Variants in TAF1A observed in about 807,000 individuals in gnomAD.
TAF1A encodes TATA-box binding protein associated factor, RNA polymerase I subunit A.
Under a neutral mutation model 61.6 loss-of-function variants are expected in TAF1A, and 42 were observed. That is an observed-to-expected ratio of 0.68 (90% CI 0.53 to 0.88). The LOEUF is 0.88. Among genes scored for constraint, TAF1A ranks in the 40% least tolerant of loss-of-function variants. TAF1A has a pLI of 0.00. For missense variants in TAF1A, 424 were observed against 518.7 expected (o/e 0.82, Z 1.77); for synonymous variants, 179 against 177.7 (o/e 1.01, Z -0.06).
chr1:222,557,728 G>A (rs1394598516), downstream of TAF1A, among the ~76,000 whole-genome samples: 7 of 151,762 alleles, frequency 4.6e-5, no homozygotes, highest in Middle Eastern at 3.2e-3. Context: ...CAAAAAAGCC[G>A]AGCCCTTTAA....
At chr1:222,585,677 A>G (rs1660984530) in intron 2 of TAF1A, among the ~76,000 whole-genome samples, 1 of 149,576 alleles carries the variant, frequency 6.7e-6, no homozygotes, top group South Asian at 2.2e-4. Context: ...GCAATGTCTC[A>G]ACCTAGAAAA....
chr1:222,577,422 A>G (rs1660614355), intron 5 of TAF1A, 23 bp downstream of exon 5: 1 of 1,605,788 alleles, frequency 6.2e-7, no homozygotes. Flanking sequence ...ATCATAAGAA[A>G]AAGTTTACCT....
downstream of TAF1A, among the ~76,000 whole-genome samples, chr1:222,555,125 CAA>C (rs1211855572): frequency 6.6e-6 from 1 of 152,078 alleles, no homozygotes; most frequent in Non-Finnish European, 1.5e-5. Flanking sequence ...TGAATCGTAT[CAA>C]AGGTCAAAGA....
chr1:222,581,220 A>G (rs1660777519), intron 3 of TAF1A, among the ~76,000 whole-genome samples: 1 of 152,250 alleles, frequency 6.6e-6, no homozygotes, highest in Non-Finnish European at 1.5e-5. Flanking sequence ...AGTGCTCAAA[A>G]ACCACTGATC....
chr1:222,587,003 C>T (rs938130723), intron 2 of TAF1A, among the ~76,000 whole-genome samples: 1 of 152,194 alleles, frequency 6.6e-6, no homozygotes, highest in East Asian at 1.9e-4. Context: ...TGCTTGCAGA[C>T]TGACTCAGAC....
intron 9 of TAF1A, 145 bp downstream of exon 9, chr1:222,563,028 G>A: frequency 1.2e-6 from 1 of 801,918 alleles, no homozygotes; most frequent in Non-Finnish European, 1.9e-6. Flanking sequence ...CTTTGCTTCA[G>A]AAGAAAATGT....
downstream of TAF1A, among the ~76,000 whole-genome samples, chr1:222,554,115 C>G (rs961165613): frequency 1.3e-5 from 2 of 152,298 alleles, no homozygotes; most frequent in East Asian, 3.9e-4. Flanking sequence ...GTAGTTATCA[C>G]TTTTATTTGT....
At chr1:222,562,839 T>G (rs1477763304) in intron 9 of TAF1A, among the ~76,000 whole-genome samples, 1 of 152,126 alleles carries the variant, frequency 6.6e-6, no homozygotes, top group Non-Finnish European at 1.5e-5. Context: ...ATCTTACAAG[T>G]TAATGACGCA....
intron 4 of TAF1A, among the ~76,000 whole-genome samples, chr1:222,578,711 T>A (rs138686111): frequency 6.6e-6 from 1 of 152,194 alleles, no homozygotes; most frequent in African/African-American, 2.4e-5. Flanking sequence ...TTTTCTCCTT[T>A]ATCTTCTCAC....
At chr1:222,580,040 C>T in intron 3 of TAF1A, 168 bp from the exon 4 acceptor site, 3 of 711,934 alleles carry the variant, frequency 4.2e-6, no homozygotes, top group Non-Finnish European at 6.6e-6. Flanking sequence ...ATACTACTTC[C>T]TTATGTGATA....
chr1:222,570,322 T>C (rs1660298148), intron 6 of TAF1A, among the ~76,000 whole-genome samples: 1 of 152,232 alleles, frequency 6.6e-6, no homozygotes, highest in Non-Finnish European at 1.5e-5. Context: ...TTTACAACTA[T>C]ACTGCTATTT....
At chr1:222,573,847 A>C (rs1213045405) in intron 5 of TAF1A, among the ~76,000 whole-genome samples, 2 of 152,204 alleles carry the variant, frequency 1.3e-5, no homozygotes, top group African/African-American at 4.8e-5. Flanking sequence ...GAAACAATCT[A>C]ATTGTTCATC....
At chr1:222,554,116 TTTTA>T (rs1659702256), downstream of TAF1A, among the ~76,000 whole-genome samples, 1 of 152,242 alleles carries the variant, frequency 6.6e-6, no homozygotes, top group Non-Finnish European at 1.5e-5. Context: ...TAGTTATCAC[TTTTA>T]TTTGTTCTTC....
At chr1:222,560,628 AC>A (rs1659876089) in intron 10 of TAF1A, among the ~76,000 whole-genome samples, 1 of 152,210 alleles carries the variant, frequency 6.6e-6, no homozygotes, top group African/African-American at 2.4e-5. Context: ...ACATTGTATT[AC>A]ATTCACTGAG....
intron 5 of TAF1A, among the ~76,000 whole-genome samples, chr1:222,575,550 T>G (rs1455129901): frequency 6.6e-6 from 1 of 152,078 alleles, no homozygotes; most frequent in African/African-American, 2.4e-5. Context: ...GATCCCTGAG[T>G]ATAAATTGGG....
intron 10 of TAF1A, among the ~76,000 whole-genome samples, chr1:222,559,770 C>T (rs1371874144): frequency 6.6e-6 from 1 of 151,924 alleles, no homozygotes; most frequent in Non-Finnish European, 1.5e-5. Flanking sequence ...CCTCAGCCTC[C>T]CAAGTAGCTA....
intron 2 of TAF1A, 101 bp from the exon 3 acceptor site, chr1:222,584,398 G>A: frequency 1.8e-6 from 2 of 1,122,092 alleles, no homozygotes; most frequent in Non-Finnish European, 2.5e-6. Flanking sequence ...TAAACAGTAG[G>A]CATTACTTGA....
Position 222,577,428 on chromosome 1 carries a change from T to C in TAF1A, c.604+17A>G. On this transcript the variant is annotated intron_variant, in intron 5 of 10. Coordinates refer to ENST00000352967, the MANE Select transcript of TAF1A (RefSeq NM_005681.4). The stretch of plus-strand genomic sequence containing the variant: ...CTCAGTCTCATCATAAGAAAAAGTT[T>C]ACCTGTATTCACTTACCAAGCTTTG... 1.9e-6 allele frequency: 3 copies of C among 1,609,862 alleles called. No homozygotes were observed. Among genetic ancestry groups the C allele is most frequent in the Non-Finnish European group, 2.5e-6 (3 of 1,176,652 alleles).
chr1:222,578,783 T>C (rs1407612440), intron 4 of TAF1A, among the ~76,000 whole-genome samples: 1 of 152,232 alleles, frequency 6.6e-6, no homozygotes, highest in Non-Finnish European at 1.5e-5. Context: ...GATCTTCCTC[T>C]ACTATAAGAA....
Sources: gnomAD v4.1 joint callset for allele counts (sites outside exome capture counted in the v4.1 genomes callset) on GRCh38, gnomAD v4.1.1 for gene constraint, MANE v1.5 for transcripts, NCBI Gene and HGNC (gene_info 2026-07-23, HGNC 2026-07-21) for gene names.